The following CIAPIN1 variants were observed in gnomAD, a reference collection of about 807,000 sequenced individuals.
The protein encoded by CIAPIN1 is anamorsin.
CIAPIN1 carries 18 observed loss-of-function variants against 34.3 expected under a neutral mutation model. The ratio of observed to expected loss-of-function variants is 0.52; its 90% CI spans 0.36 to 0.78. CIAPIN1 has a LOEUF of 0.78. Among genes scored for constraint, CIAPIN1 ranks in the 30% least tolerant of loss-of-function variants. The pLI is 0.00. For synonymous variants in CIAPIN1, 131 were observed against 140.4 expected (o/e 0.93, Z 0.47); for missense variants, 310 against 372.5 (o/e 0.83, Z 1.38).
At chr16:57,435,531 G>A (rs577457873) in intron 4 of CIAPIN1, among the ~76,000 whole-genome samples, 18 of 152,086 alleles carry the variant, frequency 1.2e-4, no homozygotes, top group South Asian at 2.1e-4. Flanking sequence ...CCTGGCTCAC[G>A]CCTGTAATAC....
At chr16:57,435,850 A>T (rs953241454) in intron 4 of CIAPIN1, among the ~76,000 whole-genome samples, 4 of 151,704 alleles carry the variant, frequency 2.6e-5, no homozygotes. Flanking sequence ...TATGTAAGAA[A>T]TAACAGGCAC....
intron 1 of CIAPIN1, among the ~76,000 whole-genome samples, chr16:57,442,710 C>T (rs1414932988): frequency 6.6e-6 from 1 of 152,202 alleles, no homozygotes; most frequent in Non-Finnish European, 1.5e-5. Flanking sequence ...AGTAACTCTC[C>T]TCTTTGCCTA....
intron 8 of CIAPIN1, among the ~76,000 whole-genome samples, chr16:57,429,703 A>G (rs1431961525): frequency 6.6e-6 from 1 of 151,978 alleles, no homozygotes; most frequent in African/African-American, 2.4e-5. Flanking sequence ...CATGTTAGCC[A>G]GGATGGTCTC....
At chr16:57,432,659 A>C in intron 5 of CIAPIN1, 99 bp from the exon 6 acceptor site, 2 of 1,119,390 alleles carry the variant, frequency 1.8e-6, no homozygotes, top group Non-Finnish European at 1.3e-6. Flanking sequence ...AAGAGAACAC[A>C]CTGGCCTGGG....
At chr16:57,444,436 C>G (rs956441649) in intron 1 of CIAPIN1, among the ~76,000 whole-genome samples, 5 of 152,216 alleles carry the variant, frequency 3.3e-5, no homozygotes, top group South Asian at 4.1e-4. Context: ...TCAAGCAGTC[C>G]TATAAAACCC....
In CIAPIN1 at chr16:57,440,890, T is replaced by C; in HGVS notation, c.39A>G (p.Ala13=). 3.7e-6 allele frequency: 6 copies of C among 1,614,008 alleles called. No individual in the cohort carries two copies. Among genetic ancestry groups the C allele is most frequent in the South Asian group, 1.1e-5 (1 of 91,070 alleles). Residue 13 remains alanine, a synonymous_variant, in exon 2 of 9, where the codon GCA becomes GCG. Transcript: ENST00000394391. Reference sequence around the variant, plus strand: ...CTGGGGATGACTTATCCCAGACCACTGCCACAAACTGGCCAGCAGAGATCC... The same window carrying C: ...CTGGGGATGACTTATCCCAGACCACCGCCACAAACTGGCCAGCAGAGATCC... ...DFGISAGQFV[A]VVWDKSSPVE... is the part of the protein sequence containing the mutation.
At chr16:57,436,516 C>A (rs1249691256) in intron 4 of CIAPIN1, 140 bp downstream of exon 4, 2 of 509,528 alleles carry the variant, frequency 3.9e-6, no homozygotes, top group East Asian at 4.1e-5. Flanking sequence ...ACGTGAGCCA[C>A]CACACCCGGC....
At chr16:57,433,250 C>T (rs759683920) in intron 5 of CIAPIN1, among the ~76,000 whole-genome samples, 5 of 152,162 alleles carry the variant, frequency 3.3e-5, no homozygotes, top group African/African-American at 7.2e-5. Flanking sequence ...GGCAAATCCT[C>T]GCAGGCCCTT....
intron 3 of CIAPIN1, among the ~76,000 whole-genome samples, chr16:57,437,109 A>G (rs1304510789): frequency 6.6e-6 from 1 of 151,680 alleles, no homozygotes; most frequent in African/African-American, 2.4e-5. Flanking sequence ...CCTGCACAAC[A>G]GAGTGAGACT....
intron 6 of CIAPIN1, among the ~76,000 whole-genome samples, chr16:57,431,634 G>C (rs950967173): frequency 6.6e-6 from 1 of 152,122 alleles, no homozygotes; most frequent in Non-Finnish European, 1.5e-5. Context: ...GAAGAGTCAC[G>C]TGAAAAAGGG....
chr16:57,438,151 AATGAACACCTTT>A (rs1157009888), intron 3 of CIAPIN1, among the ~76,000 whole-genome samples: 16 of 152,260 alleles, frequency 1.1e-4, no homozygotes, highest in African/African-American at 3.4e-4. Flanking sequence ...CCAAATAAAC[AATGAACACCTTT>A]ATACATTTCA....
At chr16:57,440,130 T>C (rs1273465448) in intron 2 of CIAPIN1, among the ~76,000 whole-genome samples, 1 of 152,170 alleles carries the variant, frequency 6.6e-6, no homozygotes, top group Non-Finnish European at 1.5e-5. Context: ...GGGATGTCTG[T>C]CTTATATGGT....
At chr16:57,433,737 G>A (rs1000369450) in intron 5 of CIAPIN1, 6 of 349,192 alleles carry the variant, frequency 1.7e-5, no homozygotes, top group South Asian at 2.3e-5. Context: ...GAGGAGAAAC[G>A]TTAATTCTGG....
chr16:57,429,269 G>A lies in CIAPIN1; in HGVS notation c.840C>T (p.Gly280=), dbSNP rs187678010. Reference sequence around the variant, plus strand: ...GGCAGCTGGCACAGCGGAAGGCATCGCCCAGGTAGCACTGGAGAGAGAGAA... The same window carrying A: ...GGCAGCTGGCACAGCGGAAGGCATCACCCAGGTAGCACTGGAGAGAGAGAA... The part of the protein sequence containing the change: ...PKSACGNCYL[G]DAFRCASCPY... The change falls in exon 9 of 9, where the codon GGC becomes GGT. Residue 280 remains glycine, a synonymous_variant. Transcript: ENST00000394391. 2.1e-3 allele frequency: 3,426 copies of A among 1,613,028 alleles called. 6 individuals carry two copies. Among genetic ancestry groups the A allele is most frequent in the Non-Finnish European group, 2.6e-3 (3,036 of 1,179,058 alleles).
At chr16:57,446,574 G>A (rs1405936364) in intron 1 of CIAPIN1, among the ~76,000 whole-genome samples, 1 of 152,172 alleles carries the variant, frequency 6.6e-6, no homozygotes, top group Non-Finnish European at 1.5e-5. Flanking sequence ...AGCCTTCTCT[G>A]ATGACACCCC....
chr16:57,443,311 G>C (rs543274744), intron 1 of CIAPIN1, among the ~76,000 whole-genome samples: 1 of 151,826 alleles, frequency 6.6e-6, no homozygotes. Context: ...GTCTACTTTT[G>C]TATTTTTTTA....
At chr16:57,432,690 C>A (rs1273578) in intron 5 of CIAPIN1, 130 bp from the exon 6 acceptor site, 585,439 of 787,262 alleles carry the variant, frequency 0.74, 220,333 homozygotes, top group African/African-American at 0.95. Context: ...TGTGGGTTCA[C>A]AGTCCAGCTC....
chr16:57,446,735 A>G (rs1179062319), intron 1 of CIAPIN1, among the ~76,000 whole-genome samples: 1 of 152,180 alleles, frequency 6.6e-6, no homozygotes, highest in African/African-American at 2.4e-5. Flanking sequence ...AGATTCCTGG[A>G]CCACACCCAG....
intron 3 of CIAPIN1, among the ~76,000 whole-genome samples, chr16:57,438,483 A>G (rs1443864044): frequency 6.6e-6 from 1 of 152,264 alleles, no homozygotes; most frequent in African/African-American, 2.4e-5. Flanking sequence ...CACAGTTAAC[A>G]TCTTACCCAA....
Sources: gnomAD v4.1 joint callset for allele counts (sites outside exome capture counted in the v4.1 genomes callset) on GRCh38, gnomAD v4.1.1 for gene constraint, MANE v1.5 for transcripts, NCBI Gene and HGNC (gene_info 2026-07-23, HGNC 2026-07-21) for gene names.